The following SUGCT variants were observed in gnomAD, a reference collection of about 807,000 sequenced individuals.
SUGCT encodes the protein succinyl-CoA:glutarate-CoA transferase, also known as succinyl-CoA:glutarate CoA-transferase.
A neutral mutation model predicts 55.0 loss-of-function variants in SUGCT; 41 were observed. The observed-to-expected ratio is 0.74, with a 90% CI of 0.58 to 0.97. SUGCT has a LOEUF of 0.97. SUGCT is among the 50% of genes least tolerant of loss of function. The pLI is 0.00. For missense variants in SUGCT, 568 were observed against 547.8 expected, an observed-to-expected ratio of 1.04 and a Z score of -0.37; for synonymous variants, 187 against 200.4, an observed-to-expected ratio of 0.93 and a Z score of 0.56.
chr7:40,642,468 C>A (rs1800314012), intron 12 of SUGCT, among the ~76,000 whole-genome samples: 1 of 152,066 alleles, frequency 6.6e-6, no homozygotes, highest in Non-Finnish European at 1.5e-5. Context: ...TGGACAAGAA[C>A]CAGTATTAGC....
At chr7:40,976,020 C>T in the SUGCT span, among the ~76,000 whole-genome samples, 1 of 152,150 alleles carries the variant, frequency 6.6e-6, no homozygotes, top group Admixed American at 6.5e-5. Flanking sequence ...ATCAGATATC[C>T]CTCCCACCCT....
intron 12 of SUGCT, among the ~76,000 whole-genome samples, chr7:40,514,003 G>A (rs1437471820): frequency 6.6e-6 from 1 of 151,880 alleles, no homozygotes; most frequent in Non-Finnish European, 1.5e-5. Flanking sequence ...TGTTAGCCAG[G>A]ATGGTCTCGA....
chr7:40,425,112 T>C (rs1364006714), intron 9 of SUGCT, among the ~76,000 whole-genome samples: 1 of 152,166 alleles, frequency 6.6e-6, no homozygotes, highest in African/African-American at 2.4e-5. Context: ...TGTAAGTGGT[T>C]GTAAATGCTA....
chr7:40,894,356 C>CA, the SUGCT span, among the ~76,000 whole-genome samples: 1 of 152,064 alleles, frequency 6.6e-6, no homozygotes, highest in East Asian at 1.9e-4. Flanking sequence ...CTTAAAACTA[C>CA]AAAAATCCTG....
intron 1 of SUGCT, among the ~76,000 whole-genome samples, chr7:40,140,866 T>A (rs1006256580): frequency 6.6e-6 from 1 of 152,216 alleles, no homozygotes; most frequent in Non-Finnish European, 1.5e-5. Flanking sequence ...ACTTTAGAAT[T>A]GTTTTTTCTA....
chr7:40,983,712 A>G, the SUGCT span, among the ~76,000 whole-genome samples: 6 of 152,212 alleles, frequency 3.9e-5, no homozygotes, highest in Admixed American at 3.9e-4. Context: ...ATTTTTAAAG[A>G]TCTATGCTCT....
At chr7:40,266,159 CTTT>C (rs1173458354) in intron 7 of SUGCT, among the ~76,000 whole-genome samples, 3 of 136,154 alleles carry the variant, frequency 2.2e-5, no homozygotes, top group Non-Finnish European at 4.8e-5. Context: ...AGTTTTTTTT[CTTT>C]TTCTTTTCTT....
intron 9 of SUGCT, among the ~76,000 whole-genome samples, chr7:40,327,718 T>C (rs1384519065): frequency 1.3e-5 from 2 of 152,238 alleles, no homozygotes; most frequent in African/African-American, 4.8e-5. Flanking sequence ...TTATATTTTC[T>C]ATGCCTAACA....
rs974438931 is a variant in SUGCT at position 40,648,857 on chromosome 7, A to T, written c.1090-100577A>T. On this transcript the variant is annotated intron_variant, in intron 12 of 13. Transcript: ENST00000335693. ...TCAGAGGGAGCACGGGCCTCCCAGC[A>T]CCTTGATTTTGGACTTCTAGAACTG... Among the ~76,000 whole-genome samples, 8 of 152,164 alleles carry T rather than the reference A, an allele frequency of 5.3e-5. No individual in the cohort carries two copies. The East Asian group carries it at 1.3e-3, about 26-fold the overall frequency.
chr7:40,205,886 A>G (rs1250398834), intron 6 of SUGCT, among the ~76,000 whole-genome samples: 2 of 152,184 alleles, frequency 1.3e-5, no homozygotes, highest in African/African-American at 4.8e-5. Flanking sequence ...AGAAGCAAAG[A>G]GATCGCCTGG....
At chr7:40,873,397 A>G in the SUGCT span, among the ~76,000 whole-genome samples, 1 of 152,324 alleles carries the variant, frequency 6.6e-6, no homozygotes, top group African/African-American at 2.4e-5. Flanking sequence ...AAGATACGCA[A>G]TGGGAAGGGC....
At chr7:40,439,068 A>ATGTG (rs1788342873) in intron 9 of SUGCT, among the ~76,000 whole-genome samples, 1 of 34,446 alleles carries the variant, frequency 2.9e-5, no homozygotes, top group Non-Finnish European at 5.6e-5. Context: ...TATGGTGTAT[A>ATGTG]TATATATATA....
At chr7:40,856,863 TTAAA>T (rs1794195961) in intron 13 of SUGCT, among the ~76,000 whole-genome samples, 1 of 152,230 alleles carries the variant, frequency 6.6e-6, no homozygotes, top group Non-Finnish European at 1.5e-5. Flanking sequence ...CACCAACCTC[TTAAA>T]ATCAAACAAA....
intron 9 of SUGCT, among the ~76,000 whole-genome samples, chr7:40,347,335 G>T (rs573671743): frequency 2.0e-4 from 30 of 152,334 alleles, no homozygotes; most frequent in Non-Finnish European, 1.5e-5. Context: ...GGCAAGTGGA[G>T]AAAAGGCAAC....
chr7:40,282,630 T>A (rs1425073925), intron 8 of SUGCT, among the ~76,000 whole-genome samples: 2 of 151,990 alleles, frequency 1.3e-5, no homozygotes, highest in African/African-American at 4.8e-5. Context: ...TGGCCTGTAA[T>A]CCCAGCATGC....
chr7:40,231,514 G>A (rs190072577), intron 6 of SUGCT, among the ~76,000 whole-genome samples: 2 of 152,282 alleles, frequency 1.3e-5, no homozygotes, highest in East Asian at 3.9e-4. Context: ...GGTAGAGAAA[G>A]CTTCTCTGAG....
At chr7:40,803,668 A>C (rs745600039) in intron 13 of SUGCT, among the ~76,000 whole-genome samples, 1 of 152,210 alleles carries the variant, frequency 6.6e-6, no homozygotes, top group Non-Finnish European at 1.5e-5. Context: ...TAATTTTACC[A>C]GTGATTAAAA....
At chr7:40,986,108 G>A in the SUGCT span, among the ~76,000 whole-genome samples, 2 of 152,128 alleles carry the variant, frequency 1.3e-5, no homozygotes, top group Non-Finnish European at 2.9e-5. Context: ...CCCATAAAAT[G>A]ATTACCAACA....
intron 13 of SUGCT, among the ~76,000 whole-genome samples, chr7:40,797,882 A>C (rs988716351): frequency 6.6e-6 from 1 of 152,242 alleles, no homozygotes; most frequent in Admixed American, 6.5e-5. Flanking sequence ...CTTCTTTCCC[A>C]GGACCCCATT....
Sources: gnomAD v4.1 joint callset for allele counts (sites outside exome capture counted in the v4.1 genomes callset) on GRCh38, gnomAD v4.1.1 for gene constraint, MANE v1.5 for transcripts, NCBI Gene and HGNC (gene_info 2026-07-23, HGNC 2026-07-21) for gene names.